RAB38: variants seen among roughly 807,000 people sequenced by gnomAD.
RAB38 encodes the protein ras-related protein Rab-38.
Under a neutral mutation model 18.4 loss-of-function variants are expected in RAB38, and 15 were observed. That is an observed-to-expected ratio of 0.82 (90% CI 0.55 to 1.26). The LOEUF (loss-of-function observed/expected upper bound fraction) is 1.26. Ranked by LOEUF, RAB38 falls within the 50% of genes most tolerant of loss-of-function variation. The pLI is 0.00. For synonymous variants in RAB38, 101 were observed against 104.4 expected (o/e 0.97, Z 0.20); for missense variants, 294 against 267.4 (o/e 1.10, Z -0.69).
chr11:87,887,405 G>A, the RAB38 span, among the ~76,000 whole-genome samples: 4 of 151,622 alleles, frequency 2.6e-5, no homozygotes, highest in Non-Finnish European at 4.4e-5. Flanking sequence ...CTTAGCATAT[G>A]CTCCGCAGAG....
chr11:87,956,984 G>C, the RAB38 span, among the ~76,000 whole-genome samples: 1 of 33,400 alleles, frequency 3.0e-5, no homozygotes, highest in Non-Finnish European at 1.8e-4. Flanking sequence ...GCAGTTTTTT[G>C]GGGGGGGGTC....
chr11:87,868,325 T>C, the RAB38 span, among the ~76,000 whole-genome samples: 2 of 151,620 alleles, frequency 1.3e-5, no homozygotes, highest in Admixed American at 1.3e-4. Context: ...TCTGTGCACG[T>C]CAGCTCCTGT....
chr11:87,939,379 TACACACACACACACACACACAC>T, the RAB38 span, among the ~76,000 whole-genome samples: 1 of 146,296 alleles, frequency 6.8e-6, no homozygotes, highest in Non-Finnish European at 1.5e-5. Flanking sequence ...CACACATACA[TACACACACACACACACACACAC>T]ACACACACAC....
At chr11:88,054,854 G>C in the RAB38 span, among the ~76,000 whole-genome samples, 1 of 152,176 alleles carries the variant, frequency 6.6e-6, no homozygotes, top group Admixed American at 6.5e-5. Context: ...ATCTCCTTAA[G>C]TCTACCATGG....
intron 1 of RAB38, chr11:88,173,818 G>C (rs1414946187): frequency 8.1e-6 from 8 of 985,250 alleles, no homozygotes; most frequent in East Asian, 1.1e-4. Context: ...CCAAATGCAT[G>C]AATCTGTTCA....
At chr11:87,870,484 C>A in the RAB38 span, among the ~76,000 whole-genome samples, 1 of 151,556 alleles carries the variant, frequency 6.6e-6, no homozygotes, top group Non-Finnish European at 1.5e-5. Context: ...ATTTCAGAGT[C>A]TACACACATT....
the RAB38 span, among the ~76,000 whole-genome samples, chr11:87,853,356 G>A: frequency 6.6e-6 from 1 of 152,158 alleles, no homozygotes; most frequent in Non-Finnish European, 1.5e-5. Context: ...GTATTTTTAT[G>A]AGAATAGGAA....
the RAB38 span, among the ~76,000 whole-genome samples, chr11:87,898,496 G>A: frequency 1.3e-5 from 2 of 151,578 alleles, no homozygotes; most frequent in Non-Finnish European, 3.0e-5. Flanking sequence ...TCCCCTCCTA[G>A]ACTGTGGATT....
chr11:87,976,967 A>ATGTATT, the RAB38 span, among the ~76,000 whole-genome samples: 93 of 58,972 alleles, frequency 1.6e-3, 35 homozygotes, highest in Admixed American at 2.1e-3. Context: ...ACATTATACA[A>ATGTATT]GTATATTATA....
chr11:88,108,262 T>C (rs1340564473), downstream of RAB38, among the ~76,000 whole-genome samples: 2 of 152,156 alleles, frequency 1.3e-5, no homozygotes, highest in African/African-American at 4.8e-5. Context: ...CTAAGTCTCT[T>C]TGTAGGTCTC....
the RAB38 span, among the ~76,000 whole-genome samples, chr11:87,886,092 T>C: frequency 5.3e-5 from 8 of 152,042 alleles, no homozygotes; most frequent in African/African-American, 1.9e-4. Flanking sequence ...AACTCCCACA[T>C]CCTCACCACC....
chr11:88,057,002 CAGGTACT>C, the RAB38 span, among the ~76,000 whole-genome samples: 1 of 152,040 alleles, frequency 6.6e-6, no homozygotes, highest in Non-Finnish European at 1.5e-5. Flanking sequence ...CTTCTATGGC[CAGGTACT>C]AGGTATGAGT....
the RAB38 span, among the ~76,000 whole-genome samples, chr11:87,955,808 G>C: frequency 6.6e-6 from 1 of 151,772 alleles, no homozygotes; most frequent in Non-Finnish European, 1.5e-5. Flanking sequence ...TTTTCACACT[G>C]TGGGGTCATG....
At chr11:87,967,866 G>C in the RAB38 span, among the ~76,000 whole-genome samples, 1 of 152,168 alleles carries the variant, frequency 6.6e-6, no homozygotes, top group African/African-American at 2.4e-5. Flanking sequence ...AATAGGAAAT[G>C]CCCTGCGGTG....
the RAB38 span, among the ~76,000 whole-genome samples, chr11:87,928,579 G>A: frequency 6.6e-6 from 1 of 151,522 alleles, no homozygotes; most frequent in South Asian, 2.1e-4. Context: ...AGATCAAAGG[G>A]TAAAAATACA....
At chr11:87,871,617 A>T in the RAB38 span, among the ~76,000 whole-genome samples, 3 of 151,528 alleles carry the variant, frequency 2.0e-5, no homozygotes, top group African/African-American at 7.3e-5. Context: ...TAGATAAATG[A>T]TTTTCCACAA....
the RAB38 span, among the ~76,000 whole-genome samples, chr11:87,977,350 T>A: frequency 5.3e-5 from 6 of 113,534 alleles, no homozygotes; most frequent in Admixed American, 1.1e-4. Flanking sequence ...AAATTATATA[T>A]TATATAAGTA....
the RAB38 span, among the ~76,000 whole-genome samples, chr11:88,027,180 G>T: frequency 6.6e-6 from 1 of 151,896 alleles, no homozygotes; most frequent in Non-Finnish European, 1.5e-5. Flanking sequence ...AAATTGTGGT[G>T]CATATTAACT....
chr11:87,975,998 A>G, the RAB38 span, among the ~76,000 whole-genome samples: 1 of 151,346 alleles, frequency 6.6e-6, no homozygotes, highest in East Asian at 1.9e-4. Context: ...AAAAATACAC[A>G]TACTAAAGTC....
Sources: allele counts gnomAD v4.1 joint callset (sites outside exome capture counted in the v4.1 genomes callset), GRCh38; gene constraint gnomAD v4.1.1; transcripts MANE v1.5; gene names NCBI Gene and HGNC (gene_info 2026-07-23, HGNC 2026-07-21).